Variants in ARHGEF3 observed in about 807,000 individuals in gnomAD.
ARHGEF3 encodes 59.8 kDA protein.
Under a neutral mutation model 63.2 loss-of-function variants are expected in ARHGEF3, and 28 were observed. The observed-to-expected ratio is 0.44, with a 90% confidence interval of 0.33 to 0.61. ARHGEF3 has a LOEUF of 0.61. Ranked by LOEUF, ARHGEF3 falls within the 20% of genes least tolerant of loss-of-function variation. ARHGEF3 has a pLI of 0.03. For synonymous variants in ARHGEF3, 266 were observed against 254.2 expected (o/e 1.05, Z -0.44); for missense variants, 533 against 659.3 (o/e 0.81, Z 2.10).
At chr3:56,752,517 T>C (rs1187306147) in intron 4 of ARHGEF3, among the ~76,000 whole-genome samples, 1 of 152,166 alleles carries the variant, frequency 6.6e-6, no homozygotes, top group Non-Finnish European at 1.5e-5. Flanking sequence ...GCAATAAATG[T>C]TATGTAAGAA....
chr3:56,785,304 A>G lies in ARHGEF3; in HGVS notation c.97-11488T>C, dbSNP rs2036748625. Among the ~76,000 whole-genome samples, 8 of 152,250 alleles carry G rather than the reference A, an allele frequency of 5.3e-5. No individual in the cohort carries two copies. In the South Asian group the frequency reaches 1.7e-3, roughly 32 times the overall value. ...GTGGTCTGGCAGGATTCAAGGCTAT[A>G]TTGGAAGAAAGGAAAGCAGTAAAAT... is the stretch of plus-strand genomic sequence containing the variant. On this transcript the variant is annotated intron_variant, in intron 1 of 9. Transcript: ENST00000296315.
chr3:56,737,019 G>A (rs1578370660), intron 8 of ARHGEF3, among the ~76,000 whole-genome samples, 166 bp downstream of exon 8: 1 of 152,040 alleles, frequency 6.6e-6, no homozygotes. Flanking sequence ...TGCTTGAACC[G>A]GGAAGGCAGA....
chr3:56,844,954 G>C (rs1252081039), intron 4 of ARHGEF3, among the ~76,000 whole-genome samples: 1 of 149,198 alleles, frequency 6.7e-6, no homozygotes, highest in African/African-American at 2.4e-5. Context: ...CATTACATAA[G>C]ATTGGGTTAT....
intron 3 of ARHGEF3, among the ~76,000 whole-genome samples, chr3:56,905,975 C>T (rs1054529842): frequency 1.3e-5 from 2 of 152,156 alleles, no homozygotes; most frequent in African/African-American, 4.8e-5. Flanking sequence ...AGCATTTCTT[C>T]TGCCTCAGCC....
intron 2 of ARHGEF3, among the ~76,000 whole-genome samples, chr3:57,021,661 G>A (rs971710855): frequency 6.6e-6 from 1 of 151,956 alleles, no homozygotes; most frequent in South Asian, 2.1e-4. Context: ...GCTGAGGCAG[G>A]GGAATCACTT....
At chr3:56,750,142 A>C (rs779986930) in intron 6 of ARHGEF3, among the ~76,000 whole-genome samples, 26 of 152,222 alleles carry the variant, frequency 1.7e-4, no homozygotes, top group Admixed American at 3.9e-4. Context: ...TGCCTGGAAT[A>C]AGTCAGCAAA....
At chr3:56,789,225 G>A (rs541553203) in intron 1 of ARHGEF3, among the ~76,000 whole-genome samples, 4 of 152,250 alleles carry the variant, frequency 2.6e-5, no homozygotes, top group East Asian at 1.9e-4. Context: ...GGCCAAGTGC[G>A]GATTCAAACT....
In ARHGEF3 at chr3:56,995,625, G is replaced by GAGAC. The variant is rs1424520116; in HGVS notation, c.63-36737_63-36736insGTCT. Among the ~76,000 whole-genome samples the GAGAC allele has an allele frequency of 3.8e-4, 9 of 23,824 alleles. 1 individual carries two copies. The Admixed American group carries it at 4.4e-3, about 12-fold the overall frequency. 15.6% of individuals were successfully genotyped at this position (23,824 alleles called of 152,430 possible). A position where few individuals can be genotyped will look rare whatever the true frequency, so the allele number is the denominator to read the frequency against. Reference sequence around the variant, plus strand: ...GCAAAAGAGAGTAAATTTTCCGAGAGAGAGAGAGAGAGAGAGAGAGAGAGA... The same window carrying GAGAC: ...GCAAAAGAGAGTAAATTTTCCGAGAGAGACAGAGAGAGAGAGAGAGAGAGAGAGA... On this transcript the variant is annotated intron_variant, in intron 2 of 12. Transcript: ENST00000338458.
chr3:56,805,385 T>A, upstream of ARHGEF3, among the ~76,000 whole-genome samples: 2 of 152,166 alleles, frequency 1.3e-5, no homozygotes, highest in South Asian at 4.1e-4. Flanking sequence ...CAGGCACACG[T>A]CACCACGCCC....
chr3:56,884,328 G>A (rs907412038), intron 3 of ARHGEF3, among the ~76,000 whole-genome samples: 4 of 152,188 alleles, frequency 2.6e-5, no homozygotes, highest in Non-Finnish European at 5.9e-5. Context: ...CCCAGAGGAG[G>A]AGGCATTTGA....
intron 3 of ARHGEF3, among the ~76,000 whole-genome samples, chr3:56,954,898 A>G (rs1699974216): frequency 6.6e-6 from 1 of 152,200 alleles, no homozygotes; most frequent in Admixed American, 6.5e-5. Flanking sequence ...GGAGGTCTGC[A>G]GGGAATGTTT....
intron 4 of ARHGEF3, among the ~76,000 whole-genome samples, chr3:56,823,680 G>C (rs371785647): frequency 3.9e-5 from 6 of 152,104 alleles, no homozygotes; most frequent in African/African-American, 1.4e-4. Context: ...GTTCCTTGGG[G>C]AGAGAAAGAA....
intron 4 of ARHGEF3, among the ~76,000 whole-genome samples, chr3:56,876,134 A>T (rs1399928322): frequency 1.3e-5 from 2 of 152,156 alleles, no homozygotes; most frequent in Non-Finnish European, 2.9e-5. Flanking sequence ...GACAAGATGG[A>T]GCATGAGGAG....
chr3:56,870,582 A>T (rs1353547328), intron 4 of ARHGEF3, among the ~76,000 whole-genome samples: 1 of 152,216 alleles, frequency 6.6e-6, no homozygotes, highest in Non-Finnish European at 1.5e-5. Context: ...CATGGAATGT[A>T]CAAAACCACA....
chr3:56,739,769 C>T (rs190375680), intron 7 of ARHGEF3, among the ~76,000 whole-genome samples: 13 of 152,246 alleles, frequency 8.5e-5, no homozygotes, highest in African/African-American at 3.1e-4. Flanking sequence ...AAAACTGTTA[C>T]TCAGTTATAA....
rs560251280 is a variant in ARHGEF3, at chr3:56,948,111, T to C, written c.129+10712A>G. Among the ~76,000 whole-genome samples, 674 of 152,210 alleles carry C rather than the reference T, an allele frequency of 4.4e-3. 6 individuals carry two copies. Among genetic ancestry groups the C allele is most frequent in the African/African-American group, 0.016 (648 of 41,520 alleles). ...CAAAGACACAACATACCAGAATCTC[T>C]GGGACACATTTAAAGCAGTGTGTAG... On this transcript the variant is annotated intron_variant, in intron 3 of 12. Coordinates refer to the ARHGEF3 transcript ENST00000338458.
At chr3:57,062,979 A>G (rs896408620) in intron 1 of ARHGEF3, among the ~76,000 whole-genome samples, 26 of 152,218 alleles carry the variant, frequency 1.7e-4, no homozygotes, top group Non-Finnish European at 2.9e-4. Flanking sequence ...AAATAAGCAA[A>G]ATACACCTTA....
intron 8 of ARHGEF3, among the ~76,000 whole-genome samples, chr3:56,734,344 T>G (rs931156655): frequency 6.6e-6 from 1 of 151,946 alleles, no homozygotes; most frequent in Non-Finnish European, 1.5e-5. Context: ...AGAGGAGAGG[T>G]TGTCACTTGT....
At chr3:57,062,693 T>C (rs1375857883) in intron 1 of ARHGEF3, among the ~76,000 whole-genome samples, 1 of 151,962 alleles carries the variant, frequency 6.6e-6, no homozygotes. Flanking sequence ...TTTCTCTGTC[T>C]ACACACATGC....
Sources: gnomAD v4.1 joint callset for allele counts (sites outside exome capture counted in the v4.1 genomes callset) on GRCh38, gnomAD v4.1.1 for gene constraint, MANE v1.5 for transcripts, NCBI Gene and HGNC (gene_info 2026-07-23, HGNC 2026-07-21) for gene names.